The following ATAD3A variants were observed in gnomAD, a reference collection of about 807,000 sequenced individuals.
ATAD3A encodes ATPase family AAA domain-containing protein 3A.
ATAD3A carries 46 observed loss-of-function variants against 73.8 expected under a neutral mutation model. That is an observed-to-expected ratio of 0.62 (90% CI 0.49 to 0.80). The LOEUF is 0.80. ATAD3A is among the 30% of genes least tolerant of loss of function. ATAD3A has a pLI of 0.00. For synonymous variants in ATAD3A, 319 were observed against 350.0 expected (o/e 0.91, Z 0.99); for missense variants, 705 against 838.0 (o/e 0.84, Z 1.96).
intron 4 of ATAD3A, among the ~76,000 whole-genome samples, chr1:1,518,497 C>CAGTCACAGGTTTTAAA (rs1641453631): frequency 1.8e-5 from 2 of 113,850 alleles, no homozygotes; most frequent in Non-Finnish European, 1.8e-5. Flanking sequence ...CACATGGGCA[C>CAGTCACAGGTTTTAAA]GCACACAACC....
In ATAD3A at chr1:1,512,296, G is replaced by A. The variant is rs944493370; in HGVS notation, c.28G>A (p.Gly10Ser). The change falls in exon 1 of 16, where the codon GGC (glycine) becomes AGC (serine). Residue 10 changes from glycine to serine, a missense_variant. Physicochemically the swap from Gly to Ser is moderately conservative, Grantham distance 56. Transcript: ENST00000378756. MSWLFGINK[G>S]PKGEGAGPPP... ...GTCGTGGCTCTTCGGCATTAACAAG[G>A]GCCCCAAGGGTGAAGGCGCGGGGCC... 7 of 1,267,814 alleles carry A rather than the reference G, an allele frequency of 5.5e-6. No individual in the cohort carries two copies. The Admixed American group carries it at 1.8e-4, about 33-fold the overall frequency. 78.5% of individuals were successfully genotyped at this position (1,267,814 alleles called of 1,614,324 possible). A position where few individuals can be genotyped will look rare whatever the true frequency, so the allele number is the denominator to read the frequency against.
In ATAD3A at chr1:1,525,998, G is replaced by A. The variant is rs372023997; in HGVS notation, c.1267-463G>A. ...GCTGGGATTACAGATGTGAGCCCCC[G>A]TGCCCGGTCAGGCTTTCTTTTCTTT... On this transcript the variant is annotated intron_variant, in intron 12 of 15. Transcript: ENST00000378756. 1.2e-4 allele frequency among the ~76,000 whole-genome samples: 18 copies of A among 151,780 alleles called. No homozygotes were observed. In the East Asian group the frequency reaches 2.5e-3, roughly 21 times the overall value.
rs371758839 is a variant in ATAD3A at position 1,527,744 on chromosome 1, A to G, written c.1387A>G (p.Ile463Val). ...SNQPEQFDWAINDRINEMVHF... is the reference protein window; with the variant it reads ...SNQPEQFDWAVNDRINEMVHF... ...CCAACCAGAGCAGTTCGACTGGGCC[A>G]TCAATGACCGCATCAATGAGATGGT... The change falls in exon 14 of 16, where the codon ATC (isoleucine) becomes GTC (valine). Residue 463 changes from isoleucine to valine, a missense_variant. Ile to Val is a conservative substitution (Grantham distance 29, BLOSUM62 3). Transcript: ENST00000378756. The G allele has an allele frequency of 1.9e-6, 3 of 1,613,842 alleles. No homozygotes were observed. In the African/African-American group the frequency reaches 4.0e-5, roughly 22 times the overall value.
intron 14 of ATAD3A, 99 bp downstream of exon 14, chr1:1,527,961 T>G: frequency 2.1e-6 from 2 of 932,834 alleles, no homozygotes; most frequent in Non-Finnish European, 2.9e-6. Context: ...AACATTCCTT[T>G]TTTTTTTTTT....
intron 4 of ATAD3A, among the ~76,000 whole-genome samples, chr1:1,518,453 A>C (rs1570325999): frequency 9.8e-5 from 7 of 71,196 alleles, no homozygotes; most frequent in Non-Finnish European, 1.6e-4. Flanking sequence ...GCGCGCGTAC[A>C]CCCCCCTATA....
At chr1:1,530,219 G>C (rs1641988759) in intron 15 of ATAD3A, among the ~76,000 whole-genome samples, 1 of 152,168 alleles carries the variant, frequency 6.6e-6, no homozygotes, top group Admixed American at 6.5e-5. Context: ...TCCCCACTTG[G>C]AACCAGGTCT....
intron 15 of ATAD3A, 104 bp downstream of exon 15, chr1:1,529,435 TGTTGAGGG>T: frequency 6.7e-7 from 1 of 1,485,878 alleles, no homozygotes; most frequent in Non-Finnish European, 9.0e-7. Flanking sequence ...CGGGAGCTTC[TGTTGAGGG>T]GTTTTCAGTG....
At position 1,524,939 on chromosome 1, in the gene ATAD3A, C is replaced by T. The variant is rs554892183; in HGVS notation, c.1215-301C>T. 6.8e-3 allele frequency among the ~76,000 whole-genome samples: 1,040 copies of T among 152,264 alleles called. 8 individuals are homozygous for T. Among genetic ancestry groups the T allele is most frequent in the African/African-American group, 0.016 (659 of 41,548 alleles). ...TTCACTTTAGAAGACCTGTCCCTGT[C>T]GTGGACTCTAAGCGGCCACCAGTGC... On this transcript the variant is annotated intron_variant, in intron 11 of 15. Coordinates refer to ENST00000378756, the MANE Select transcript of ATAD3A (RefSeq NM_001170535.3).
At chr1:1,528,624 A>G (rs1159138267) in intron 14 of ATAD3A, among the ~76,000 whole-genome samples, 1 of 152,248 alleles carries the variant, frequency 6.6e-6, no homozygotes, top group Non-Finnish European at 1.5e-5. Context: ...GGGCCCTGGC[A>G]CCACACACCG....
At chr1:1,522,194 C>T (rs1383510941) in intron 7 of ATAD3A, among the ~76,000 whole-genome samples, 4 of 152,086 alleles carry the variant, frequency 2.6e-5, no homozygotes, top group Non-Finnish European at 5.9e-5. Context: ...CATGTGCCAC[C>T]ATGGCCAGCT....
intron 4 of ATAD3A, 116 bp from the exon 5 acceptor site, chr1:1,518,782 CCCCCGCAAACGGGCACCGTCACA>C (rs878975448): frequency 3.0e-4 from 461 of 1,539,546 alleles, no homozygotes; most frequent in South Asian, 2.8e-3. Context: ...GCACCGTCAC[CCCCCGCAAACGGGCACCGTCACA>C]CCCCGCAAAC....
chr1:1,525,009 C>T (rs546779501), intron 11 of ATAD3A, among the ~76,000 whole-genome samples: 65 of 152,322 alleles, frequency 4.3e-4, no homozygotes, highest in African/African-American at 1.2e-3. Flanking sequence ...CGGAGTTCGT[C>T]GCCCCCGTGT....
Position 1,534,336 on chromosome 1 carries a change from A to G in ATAD3A, c.*264A>G. On this transcript the variant is annotated 3_prime_UTR_variant, in exon 16 of 16. Coordinates refer to ENST00000378756, the MANE Select transcript of ATAD3A (RefSeq NM_001170535.3). ...GAGATGCATTTTCCGTCTGGCTCAC[A>G]GGGGGAGGGTGAGGCTTTGCACCCC... 3.5e-6 allele frequency: 5 copies of G among 1,409,440 alleles called. No homozygotes were observed. The highest frequency in any genetic ancestry group is 4.6e-6 in the Non-Finnish European group (5 of 1,085,104). 87.3% of individuals were successfully genotyped at this position (1,409,440 alleles called of 1,614,324 possible). A position where few individuals can be genotyped will look rare whatever the true frequency, so the allele number is the denominator to read the frequency against.
chr1:1,531,143 G>A (rs1242013964), intron 15 of ATAD3A, among the ~76,000 whole-genome samples: 12 of 151,808 alleles, frequency 7.9e-5, no homozygotes, highest in East Asian at 1.9e-4. Flanking sequence ...GAGCAATAGC[G>A]TGAGACTCCA....
intron 13 of ATAD3A, 124 bp downstream of exon 13, chr1:1,526,655 G>A: frequency 6.5e-7 from 1 of 1,546,502 alleles, no homozygotes; most frequent in Admixed American, 2.1e-5. Flanking sequence ...GCCTCAACAT[G>A]CCCACCTCGG....
chr1:1,525,466 G>A (rs961337641), intron 12 of ATAD3A, among the ~76,000 whole-genome samples, 175 bp downstream of exon 12: 1 of 149,800 alleles, frequency 6.7e-6, no homozygotes, highest in Admixed American at 6.7e-5. Flanking sequence ...CCAGGCTGGA[G>A]TGCAATGGCC....
chr1:1,530,596 G>A (rs1369835845), intron 15 of ATAD3A, among the ~76,000 whole-genome samples: 1 of 130,036 alleles, frequency 7.7e-6, no homozygotes, highest in Non-Finnish European at 1.5e-5. Flanking sequence ...TTGGGAGGCC[G>A]AGGCGGGCGG....
At chr1:1,525,377 G>T in intron 12 of ATAD3A, 86 bp downstream of exon 12, 42 of 1,283,194 alleles carry the variant, frequency 3.3e-5, no homozygotes, top group Middle Eastern at 1.9e-4. Context: ...CCTCTGTTCA[G>T]TTTCTTTTTC....
chr1:1,534,440 G>C lies in ATAD3A; in HGVS notation c.*368G>C. 8.0e-7 allele frequency: 1 copy of C among 1,244,140 alleles called. No individual in the cohort carries two copies. Among genetic ancestry groups the C allele is most frequent in the Non-Finnish European group, 1.0e-6 (1 of 973,304 alleles). 77.1% of individuals were successfully genotyped at this position (1,244,140 alleles called of 1,614,324 possible). A position where few individuals can be genotyped will look rare whatever the true frequency, so the allele number is the denominator to read the frequency against. On this transcript the variant is annotated 3_prime_UTR_variant, in exon 16 of 16. Transcript: ENST00000378756. ...CAGGAGCCAGGCAGGTGATGTCTTT[G>C]TTCTCGGCTCCCACAGCAGAGCCAG...
Sources: gnomAD v4.1 joint callset for allele counts (sites outside exome capture counted in the v4.1 genomes callset) on GRCh38, gnomAD v4.1.1 for gene constraint, MANE v1.5 for transcripts, NCBI Gene and HGNC (gene_info 2026-07-23, HGNC 2026-07-21) for gene names.